The following SLC9A2 variants were observed in gnomAD, a reference collection of about 807,000 sequenced individuals.
The protein encoded by SLC9A2 is solute carrier family 9 member A2, also known as sodium/hydrogen exchanger 2.
A neutral mutation model predicts 71.7 loss-of-function variants in SLC9A2; 42 were observed. The observed-to-expected ratio is 0.59, with a 90% CI of 0.46 to 0.76. SLC9A2 has a LOEUF of 0.76. SLC9A2 is among the 30% of genes least tolerant of loss of function. The pLI is 0.00. For synonymous variants in SLC9A2, 396 were observed against 392.5 expected (o/e 1.01, Z -0.10); for missense variants, 829 against 1,017.4 (o/e 0.81, Z 2.52).
chr2:102,641,125 C>T (rs947550084), intron 1 of SLC9A2, among the ~76,000 whole-genome samples: 2 of 152,120 alleles, frequency 1.3e-5, no homozygotes, highest in African/African-American at 4.8e-5. Context: ...AAACTTGCGC[C>T]AGCCCTGTGA....
chr2:102,702,567 G>A (rs1677894338), intron 9 of SLC9A2, 65 bp downstream of exon 9: 3 of 944,796 alleles, frequency 3.2e-6, no homozygotes, highest in South Asian at 1.4e-5. Flanking sequence ...TTCTGGTTTT[G>A]TGCTGTAACT....
At position 102,619,984 on chromosome 2, in the gene SLC9A2, A is replaced by G. The variant is rs1676103715; in HGVS notation, c.136A>G (p.Ser46Gly). Residue 46 changes from serine to glycine, a missense_variant, in exon 1 of 12, where the codon AGT becomes GGT. Physicochemically the swap from Ser to Gly is moderately conservative, Grantham distance 56 (BLOSUM62 0). Transcript: ENST00000233969. The surrounding 1 kb of genome is among the most constrained non-coding windows in gnomAD (Gnocchi z 4.3). ...GAACGCGCCGAGGGCCATGGGCACC[A>G]GTTCCAGCCCGCCTAGCCCTGCGAG... Reference protein sequence around the residue: ...LLNAPRAMGTSSSPPSPASVV... With the variant: ...LLNAPRAMGTGSSPPSPASVV... The G allele has an allele frequency of 1.2e-6, 2 of 1,613,736 alleles. No homozygotes were observed. Among genetic ancestry groups the G allele is most frequent in the African/African-American group, 2.7e-5 (2 of 74,950 alleles).
intron 1 of SLC9A2, among the ~76,000 whole-genome samples, chr2:102,625,660 T>A (rs1259487466): frequency 6.6e-6 from 1 of 152,198 alleles, no homozygotes; most frequent in Non-Finnish European, 1.5e-5. Context: ...TCATCATTTT[T>A]TACAGCTGCA....
rs1393376411 is a variant in SLC9A2, at chr2:102,704,575, C to A, written c.1877C>A (p.Ala626Asp). 2 of 1,613,096 alleles carry A rather than the reference C, an allele frequency of 1.2e-6. No individual in the cohort carries two copies. Among genetic ancestry groups the A allele is most frequent in the African/African-American group, 2.7e-5 (2 of 74,990 alleles). The change falls in exon 10 of 12, where the codon GCC (alanine) becomes GAC (aspartate). Residue 626 changes from alanine (A) to aspartate (D), a missense_variant. Transcript: ENST00000233969. Reference sequence around the variant, plus strand: ...TCCTACAACAGACACAGTCTGACAGCCGACACAAGTGAGAGACAAGCCAAG... The same window carrying A: ...TCCTACAACAGACACAGTCTGACAGACGACACAAGTGAGAGACAAGCCAAG... ...TLSYNRHSLT[A>D]DTSERQAKEI...
At chr2:102,689,915 G>A (rs1677625997) in intron 5 of SLC9A2, 1 of 152,172 alleles carries the variant, frequency 6.6e-6, no homozygotes, top group South Asian at 2.1e-4. Context: ...TCTAAGTGGA[G>A]ATGTTGGATA....
intron 1 of SLC9A2, among the ~76,000 whole-genome samples, chr2:102,635,322 G>A (rs911111716): frequency 6.6e-6 from 1 of 152,216 alleles, no homozygotes; most frequent in East Asian, 1.9e-4. Flanking sequence ...GTGTTAACAC[G>A]CCTGGTCTGC....
intron 5 of SLC9A2, among the ~76,000 whole-genome samples, chr2:102,688,732 A>C (rs1422621397): frequency 1.8e-4 from 28 of 151,402 alleles, no homozygotes; most frequent in Non-Finnish European, 1.0e-4. Context: ...GTCTCAAAAC[A>C]AACAAACAAA....
intron 3 of SLC9A2, among the ~76,000 whole-genome samples, chr2:102,672,575 G>A (rs57751434): frequency 0.044 from 6,643 of 152,266 alleles, 255 homozygotes; most frequent in African/African-American, 0.1. Flanking sequence ...AATAAGGAAG[G>A]AGAGACTGAA....
intron 1 of SLC9A2, among the ~76,000 whole-genome samples, chr2:102,650,002 A>C (rs1339617881): frequency 6.6e-6 from 1 of 152,240 alleles, no homozygotes; most frequent in Non-Finnish European, 1.5e-5. Context: ...ATTGTACTAT[A>C]AAGACACATG....
In SLC9A2 at chr2:102,631,995, GATATATATATATATATATATATATAT is replaced by G. The variant is rs59553931; in HGVS notation, c.289+11876_289+11901del. ...CTTCCATTTAATTAATGAAAGTGGG[GATATATATATATATATATATATATAT>G]ATATATATATATATATACATACACA... On this transcript the variant is annotated intron_variant, in intron 1 of 11. Coordinates refer to ENST00000233969, the MANE Select transcript of SLC9A2 (RefSeq NM_003048.6). Among the ~76,000 whole-genome samples the G allele has an allele frequency of 9.0e-3, 390 of 43,252 alleles. 7 individuals carry two copies. The highest frequency in any genetic ancestry group is 0.013 in the Non-Finnish European group (285 of 21,118). 28.4% of individuals were successfully genotyped at this position (43,252 alleles called of 152,430 possible).
At chr2:102,660,426 C>T (rs533975491) in intron 2 of SLC9A2, among the ~76,000 whole-genome samples, 3 of 152,266 alleles carry the variant, frequency 2.0e-5, no homozygotes, top group Non-Finnish European at 2.9e-5. Flanking sequence ...AAAGCCAGAC[C>T]CACAAGATAT....
chr2:102,682,843 T>C (rs1677479829), intron 3 of SLC9A2, among the ~76,000 whole-genome samples: 2 of 152,234 alleles, frequency 1.3e-5, no homozygotes, highest in South Asian at 4.1e-4. Context: ...TAGGATTTTA[T>C]ACAATAGAAT....
chr2:102,694,729 G>A (rs1272409401), intron 6 of SLC9A2, among the ~76,000 whole-genome samples: 1 of 152,066 alleles, frequency 6.6e-6, no homozygotes, highest in Non-Finnish European at 1.5e-5. Context: ...AGAGAGACAA[G>A]AAGTCCCCTC....
intron 7 of SLC9A2, among the ~76,000 whole-genome samples, chr2:102,699,643 C>T (rs958397605): frequency 6.6e-6 from 1 of 152,088 alleles, no homozygotes; most frequent in Non-Finnish European, 1.5e-5. Flanking sequence ...GCTGATGGCG[C>T]AAAGATTTGG....
intron 1 of SLC9A2, among the ~76,000 whole-genome samples, chr2:102,633,839 T>C (rs1676419166): frequency 6.6e-6 from 1 of 152,250 alleles, no homozygotes; most frequent in African/African-American, 2.4e-5. Context: ...AGCTGTCATG[T>C]AGATTTTAAT....
Position 102,684,125 on chromosome 2 carries a change from T to C in SLC9A2, c.1223-9T>C, listed in dbSNP as rs759002493. 3.7e-6 allele frequency: 6 copies of C among 1,612,234 alleles called. No homozygotes were observed. The highest frequency in any genetic ancestry group is 5.1e-6 in the Non-Finnish European group (6 of 1,178,648). ...AGTCTGTTTCCTCTTGGGTTTTCTT[T>C]CTTTGCAGGTGTTTTTGTCCTGACT... On this transcript the variant is annotated splice_polypyrimidine_tract_variant and intron_variant, in intron 4 of 11. Transcript: ENST00000233969.
chr2:102,678,338 A>AC (rs1220400624), intron 3 of SLC9A2, among the ~76,000 whole-genome samples: 10 of 151,856 alleles, frequency 6.6e-5, no homozygotes, highest in African/African-American at 2.4e-4. Flanking sequence ...TAAAAAAAAA[A>AC]AACAGAGAGA....
chr2:102,628,620 AT>A, intron 1 of SLC9A2, among the ~76,000 whole-genome samples: 1 of 152,006 alleles, frequency 6.6e-6, no homozygotes, highest in East Asian at 1.9e-4. Flanking sequence ...AGCTCTCGGT[AT>A]TTTTAAACCC....
At chr2:102,704,462 T>C in intron 9 of SLC9A2, 82 bp from the exon 10 acceptor site, 1 of 1,376,276 alleles carries the variant, frequency 7.3e-7, no homozygotes, top group Non-Finnish European at 1.0e-6. Flanking sequence ...CAAAGAAATG[T>C]GGTAAAGTCT....
Sources: gnomAD v4.1 joint callset for allele counts (sites outside exome capture counted in the v4.1 genomes callset) on GRCh38, gnomAD v4.1.1 for gene constraint, Gnocchi (gnomAD v3.1) non-coding constraint, MANE v1.5 for transcripts, NCBI Gene and HGNC (gene_info 2026-07-23, HGNC 2026-07-21) for gene names.